Variants in SCN7A observed in about 807,000 individuals in gnomAD.
SCN7A encodes sodium voltage-gated channel alpha subunit 7, also known as sodium channel protein type 7 subunit alpha.
In SCN7A, 138 loss-of-function variants were observed where a neutral mutation model predicts 155.2. The ratio of observed to expected loss-of-function variants is 0.89; its 90% CI spans 0.77 to 1.02. The LOEUF is 1.02. Ranked by LOEUF, SCN7A falls within the 50% of genes least tolerant of loss-of-function variation. SCN7A has a pLI of 0.00. For synonymous variants in SCN7A, 693 were observed against 649.0 expected (o/e 1.07, Z -1.03); for missense variants, 2,058 against 1,986.6 (o/e 1.04, Z -0.68).
At position 166,432,615 on chromosome 2, in the gene SCN7A, T is replaced by C; in HGVS notation, c.2295A>G (p.Lys765=). The C allele has an allele frequency of 6.2e-7, 1 of 1,612,798 alleles. No individual in the cohort carries two copies. The highest frequency in any genetic ancestry group is 8.5e-7 in the Non-Finnish European group (1 of 1,179,480). The change falls in exon 16 of 26, where the codon AAA becomes AAG. Residue 765 remains lysine (K), a synonymous_variant. Transcript: ENST00000643258. ...GGACATTTTGTGTTTTGCATAGTAT[T>C]TTAAGAAGCACATAGTTTATTCCTT... ...IKKGINYVLL[K]ILCKTQNVPK...
chr2:166,449,654 C>T (rs543064661), intron 11 of SCN7A, among the ~76,000 whole-genome samples: 8 of 152,054 alleles, frequency 5.3e-5, no homozygotes, highest in African/African-American at 1.7e-4. Context: ...CAGACACTTC[C>T]CCAAAGAAGG....
At chr2:166,474,021 T>C in intron 4 of SCN7A, 133 bp from the exon 5 acceptor site, 1 of 532,752 alleles carries the variant, frequency 1.9e-6, no homozygotes, top group Non-Finnish European at 3.2e-6. Context: ...TGTTAATATT[T>C]ACTATTGTTG....
chr2:166,469,182 T>G (rs969100269), intron 7 of SCN7A, among the ~76,000 whole-genome samples: 1 of 151,650 alleles, frequency 6.6e-6, no homozygotes, highest in Non-Finnish European at 1.5e-5. Flanking sequence ...TCTCCTTCAT[T>G]AATCCATTCC....
In SCN7A at chr2:166,476,727, G is replaced by A. The variant is rs573435610; in HGVS notation, c.234+736C>T. 9.2e-5 allele frequency among the ~76,000 whole-genome samples: 14 copies of A among 151,966 alleles called. No individual in the cohort carries two copies. In the South Asian group the frequency reaches 2.7e-3, roughly 29 times the overall value. ...TATCTCACCTCATATCTCGTAACTTGCAACAGCTAAGTTTCCAGTTATAGC... is the reference window on the plus strand; with the variant it reads ...TATCTCACCTCATATCTCGTAACTTACAACAGCTAAGTTTCCAGTTATAGC... On this transcript the variant is annotated intron_variant, in intron 3 of 25. Transcript: ENST00000643258.
intron 1 of SCN7A, among the ~76,000 whole-genome samples, chr2:166,488,386 T>C (rs1032892224): frequency 6.6e-6 from 1 of 152,164 alleles, no homozygotes; most frequent in African/African-American, 2.4e-5. Context: ...AATTTTATCA[T>C]TGACTTCTAG....
intron 8 of SCN7A, 77 bp downstream of exon 8, chr2:166,465,704 T>C: frequency 1.4e-6 from 2 of 1,465,896 alleles, no homozygotes; most frequent in South Asian, 1.1e-5. Context: ...ATGTTGAGTG[T>C]TCAACATTTC....
At chr2:166,486,562 C>T (rs955710325) in intron 2 of SCN7A, among the ~76,000 whole-genome samples, 5 of 152,268 alleles carry the variant, frequency 3.3e-5, no homozygotes, top group African/African-American at 7.2e-5. Flanking sequence ...CAGGTGATTT[C>T]GATCATACAA....
chr2:166,474,202 C>T, intron 4 of SCN7A, 24 bp downstream of exon 4: 1 of 1,148,158 alleles, frequency 8.7e-7, no homozygotes, highest in East Asian at 2.7e-5. Flanking sequence ...AGTTTAAAGT[C>T]AACAAGTCAA....
chr2:166,463,297 C>T (rs1702454505), intron 9 of SCN7A, among the ~76,000 whole-genome samples: 1 of 152,078 alleles, frequency 6.6e-6, no homozygotes, highest in Admixed American at 6.5e-5. Context: ...AGTGGCAGTC[C>T]AGTAAATCAT....
Position 166,477,643 on chromosome 2 carries a change from A to G in SCN7A, c.54T>C (p.Phe18=). ...KGLVPFTKES[F]ELIKQHIAKT... Reference sequence around the variant, plus strand: ...TAGCAATATGCTGTTTTATAAGTTCAAAAGACTCTTTAGTGAAGGGAACAA... The same window carrying G: ...TAGCAATATGCTGTTTTATAAGTTCGAAAGACTCTTTAGTGAAGGGAACAA... The change falls in exon 3 of 26, where the codon TTT becomes TTC. Residue 18 remains phenylalanine (F), a synonymous_variant. Coordinates refer to ENST00000643258, the MANE Select transcript of SCN7A (RefSeq NM_002976.4). The G allele has an allele frequency of 1.2e-6, 2 of 1,607,008 alleles. No individual in the cohort carries two copies. The highest frequency in any genetic ancestry group is 2.2e-5 in the South Asian group (2 of 89,808).
At chr2:166,450,857 C>T (rs1261446741) in intron 11 of SCN7A, among the ~76,000 whole-genome samples, 1 of 152,096 alleles carries the variant, frequency 6.6e-6, no homozygotes, top group Non-Finnish European at 1.5e-5. Flanking sequence ...ATTCTAGAAA[C>T]TATTCTTAGC....
intron 10 of SCN7A, 141 bp downstream of exon 10, chr2:166,462,248 G>A: frequency 3.5e-6 from 3 of 866,684 alleles, no homozygotes; most frequent in Non-Finnish European, 5.1e-6. Flanking sequence ...TTGACATTCA[G>A]TAATTCTAGT....
At chr2:166,444,095 G>T (rs7570585) in intron 13 of SCN7A, among the ~76,000 whole-genome samples, 25,269 of 151,964 alleles carry the variant, frequency 0.17, 2,200 homozygotes, top group Non-Finnish European at 0.19. Context: ...TTGCTGTTTT[G>T]GTACCAAATA....
chr2:166,451,561 G>T (rs1702177539), intron 11 of SCN7A, among the ~76,000 whole-genome samples: 2 of 152,162 alleles, frequency 1.3e-5, no homozygotes, highest in South Asian at 4.1e-4. Context: ...TTAGTCACAT[G>T]TCTCACATTT....
Position 166,447,645 on chromosome 2 carries a change from C to A in SCN7A, c.1354G>T (p.Val452Leu). 1 of 1,612,998 alleles carries A rather than the reference C, an allele frequency of 6.2e-7. No homozygotes were observed. The highest frequency in any genetic ancestry group is 1.3e-5 in the African/African-American group (1 of 75,024). The stretch of plus-strand genomic sequence containing the variant: ...TGTCTGAGAGTAGCATCTTCCAACA[C>A]ATCCAATGATGTGTCTGTGGAAATT... ...SPISTDTSLD[V>L]LEDATLRHKE... The change falls in exon 12 of 26, where the codon GTG becomes TTG. Residue 452 changes from valine (V) to leucine (L), a missense_variant. Transcript: ENST00000643258.
intron 15 of SCN7A, 117 bp from the exon 16 acceptor site, chr2:166,432,869 C>T: frequency 1.5e-6 from 1 of 681,176 alleles, no homozygotes; most frequent in Non-Finnish European, 2.4e-6. Context: ...TAGCATTTTT[C>T]AAGAATACAA....
At chr2:166,422,830 A>T (rs1369435469) in intron 19 of SCN7A, among the ~76,000 whole-genome samples, 2 of 152,190 alleles carry the variant, frequency 1.3e-5, no homozygotes, top group African/African-American at 4.8e-5. Context: ...GGGCAGAAGC[A>T]GGGACACCAC....
At chr2:166,457,397 T>C (rs1470516329) in intron 10 of SCN7A, among the ~76,000 whole-genome samples, 1 of 152,236 alleles carries the variant, frequency 6.6e-6, no homozygotes, top group African/African-American at 2.4e-5. Flanking sequence ...CATCTCTTGA[T>C]ATAGAAACTG....
Position 166,447,698 on chromosome 2 carries a change from A to G in SCN7A, c.1301T>C (p.Ile434Thr), listed in dbSNP as rs1227009153. 3.7e-6 allele frequency: 6 copies of G among 1,612,400 alleles called. No homozygotes were observed. Among genetic ancestry groups the G allele is most frequent in the African/African-American group, 1.3e-5 (1 of 74,982 alleles). The change falls in exon 12 of 26, where the codon ATA (isoleucine) becomes ACA (threonine). Residue 434 changes from isoleucine (I) to threonine (T), a missense_variant. Physicochemically the swap from Ile to Thr is moderately conservative, Grantham distance 89 (BLOSUM62 -1). Coordinates refer to ENST00000643258, the MANE Select transcript of SCN7A (RefSeq NM_002976.4). ...TGACCTTTTCTTCATTTCTATTTGT[A>G]TGGTCTTGGCCTGAAAAGGAATTTG... ...EGNETDEAKT[I>T]QIEMKKRSPI...
Sources: allele counts gnomAD v4.1 joint callset (sites outside exome capture counted in the v4.1 genomes callset), GRCh38; gene constraint gnomAD v4.1.1; transcripts MANE v1.5; gene names NCBI Gene and HGNC (gene_info 2026-07-23, HGNC 2026-07-21).